The following MAPK10 variants were observed in gnomAD, a reference collection of about 807,000 sequenced individuals.
The protein encoded by MAPK10 is mitogen-activated protein kinase 10.
Under a neutral mutation model 59.3 loss-of-function variants are expected in MAPK10, and 25 were observed. The observed-to-expected ratio is 0.42, with a 90% CI of 0.31 to 0.59. MAPK10 has a LOEUF of 0.59. Among genes scored for constraint, MAPK10 ranks in the 20% least tolerant of loss-of-function variants. The probability of loss-of-function intolerance (pLI) is 0.15; values close to 1 mark genes in which losing one functional copy is unlikely to be tolerated. For missense variants in MAPK10, 351 were observed against 568.9 expected, an observed-to-expected ratio of 0.62 and a Z score of 3.90; for synonymous variants, 190 against 200.5, an observed-to-expected ratio of 0.95 and a Z score of 0.44.
intron 1 of MAPK10, among the ~76,000 whole-genome samples, chr4:86,576,328 A>C (rs1328257569): frequency 6.6e-6 from 1 of 152,154 alleles, no homozygotes; most frequent in East Asian, 1.9e-4. Flanking sequence ...AGAAAATTAG[A>C]GGTTTAGCAT....
At chr4:86,422,233 A>C (rs1286141940) in intron 1 of MAPK10, among the ~76,000 whole-genome samples, 1 of 152,220 alleles carries the variant, frequency 6.6e-6, no homozygotes. Flanking sequence ...TGTTGCCCCT[A>C]TCGACAAGTA....
intron 13 of MAPK10, chr4:86,023,851 A>ATATATATATATATATATATAT (rs1491271631): frequency 1.3e-4 from 17 of 128,326 alleles, no homozygotes; most frequent in South Asian, 2.3e-4. Context: ...ATATATATAT[A>ATATATATATATATATATATAT]AAATGAATGT....
At chr4:86,179,150 C>A (rs1212273041) in intron 3 of MAPK10, among the ~76,000 whole-genome samples, 2 of 151,820 alleles carry the variant, frequency 1.3e-5, no homozygotes, top group Non-Finnish European at 2.9e-5. Flanking sequence ...TGCAGTGAGC[C>A]AAGATCGTAC....
intron 1 of MAPK10, among the ~76,000 whole-genome samples, chr4:86,496,844 C>T (rs926383646): frequency 6.6e-6 from 1 of 152,132 alleles, no homozygotes; most frequent in African/African-American, 2.4e-5. Flanking sequence ...TGCTGGAGGG[C>T]TAAGCACACG....
At chr4:86,593,639 C>A (rs1486924962) in intron 1 of MAPK10, 2 of 152,026 alleles carry the variant, frequency 1.3e-5, no homozygotes, top group Non-Finnish European at 2.9e-5. Context: ...AAACTTTTTT[C>A]AAAAATATGA....
chr4:86,106,453 A>G (rs2056554840), intron 5 of MAPK10, among the ~76,000 whole-genome samples: 1 of 148,852 alleles, frequency 6.7e-6, no homozygotes, highest in Non-Finnish European at 1.5e-5. Flanking sequence ...ATTTATATCT[A>G]AAATGTATTT....
At chr4:86,031,019 T>C (rs1471910858) in intron 12 of MAPK10, among the ~76,000 whole-genome samples, 2 of 152,262 alleles carry the variant, frequency 1.3e-5, no homozygotes, top group Non-Finnish European at 2.9e-5. Context: ...CTTCATATGA[T>C]GATTTTATGT....
At chr4:86,128,146 C>T (rs1006419367) in intron 4 of MAPK10, among the ~76,000 whole-genome samples, 7 of 152,030 alleles carry the variant, frequency 4.6e-5, no homozygotes, top group African/African-American at 1.7e-4. Context: ...GTGCCAAAAT[C>T]AAGACTTAAT....
rs114236857 is a variant in MAPK10 at position 86,489,941 on chromosome 4, C to T, written c.-263+103969G>A. Among the ~76,000 whole-genome samples the T allele has an allele frequency of 3.5e-3, 539 of 152,246 alleles. 3 individuals carry two copies. The highest frequency in any genetic ancestry group is 6.5e-3 in the Non-Finnish European group (443 of 68,004). On this transcript the variant is annotated intron_variant, in intron 1 of 4. Coordinates refer to the MAPK10 transcript ENST00000502302. The stretch of plus-strand genomic sequence containing the variant: ...GTTCCACTCTCAGTAGTCAGTCCCC[C>T]CATCTCCAGCATCATGGTCTAACCA...
intron 13 of MAPK10, among the ~76,000 whole-genome samples, chr4:86,023,714 T>C (rs1348115557): frequency 6.7e-6 from 1 of 150,138 alleles, no homozygotes; most frequent in Non-Finnish European, 1.5e-5. Context: ...AATTGTTTTA[T>C]GTTCATTGCT....
rs150149271 is a variant in MAPK10, at chr4:86,057,382, T to C, written c.1110+6884A>G. 1.8e-4 allele frequency among the ~76,000 whole-genome samples: 27 copies of C among 150,434 alleles called. 2 individuals carry two copies. The highest frequency in any genetic ancestry group is 6.4e-4 in the African/African-American group (26 of 40,320). On this transcript the variant is annotated intron_variant, in intron 11 of 13. Coordinates refer to ENST00000641462, the MANE Select transcript of MAPK10 (RefSeq NM_138982.4). Reference sequence around the variant, plus strand: ...GCAGATTCTCACTGCAGTTTAGTTATAACTGATTAACATTTCAAGGGACAT... The same window carrying C: ...GCAGATTCTCACTGCAGTTTAGTTACAACTGATTAACATTTCAAGGGACAT...
intron 1 of MAPK10, among the ~76,000 whole-genome samples, chr4:86,569,753 T>C (rs1173979424): frequency 3.3e-4 from 50 of 151,996 alleles, no homozygotes; most frequent in Admixed American, 3.3e-3. Context: ...AAACAGTGGG[T>C]ACACGTGGAC....
At chr4:86,534,265 A>C (rs1222293133) in intron 1 of MAPK10, among the ~76,000 whole-genome samples, 1 of 152,176 alleles carries the variant, frequency 6.6e-6, no homozygotes, top group Admixed American at 6.5e-5. Flanking sequence ...AATACAGAAA[A>C]GACTTAGTTA....
intron 13 of MAPK10, chr4:86,026,897 G>C (rs1283326013): frequency 1.3e-5 from 2 of 152,080 alleles, no homozygotes; most frequent in East Asian, 3.8e-4. Context: ...TGGCTCTGCA[G>C]GGGGCAACAA....
chr4:86,224,408 C>T (rs188447848), intron 2 of MAPK10, among the ~76,000 whole-genome samples: 1 of 152,182 alleles, frequency 6.6e-6, no homozygotes, highest in East Asian at 1.9e-4. Context: ...TAACTGAAAG[C>T]TTAAGAATGA....
At position 86,565,819 on chromosome 4, in the gene MAPK10, C is replaced by T. The variant is rs909294065; in HGVS notation, c.-263+28091G>A. ...CTCCTATACTTGTCCTTCCTCATCA[C>T]GTTCCTTCCTAACACTGAAAATGTA... On this transcript the variant is annotated intron_variant, in intron 1 of 4. Coordinates refer to the MAPK10 transcript ENST00000502302. Among the ~76,000 whole-genome samples, 5 of 152,156 alleles carry T rather than the reference C, an allele frequency of 3.3e-5. No individual in the cohort carries two copies. The East Asian group carries it at 5.8e-4, about 18-fold the overall frequency.
At position 86,011,835 on chromosome 4, in the gene MAPK10, T is replaced by A. The variant is rs1201780447; in HGVS notation, c.*5393A>T. 1 of 152,200 alleles carries A rather than the reference T, an allele frequency of 6.6e-6. No homozygotes were observed. Among genetic ancestry groups the A allele is most frequent in the African/African-American group, 2.4e-5 (1 of 41,456 alleles). 9.4% of individuals were successfully genotyped at this position (152,200 alleles called of 1,614,324 possible). A position where few individuals can be genotyped will look rare whatever the true frequency, so the allele number is the denominator to read the frequency against. On this transcript the variant is annotated 3_prime_UTR_variant, in exon 14 of 14. Transcript: ENST00000641462. Reference sequence around the variant, plus strand: ...TCCAGGCTTTCTAATAGTTAATTGGTTAAATAAAACATTATTTACAGAAAT... The same window carrying A: ...TCCAGGCTTTCTAATAGTTAATTGGATAAATAAAACATTATTTACAGAAAT...
intron 2 of MAPK10, among the ~76,000 whole-genome samples, chr4:86,222,313 C>T (rs1228531632): frequency 6.6e-6 from 1 of 152,180 alleles, no homozygotes; most frequent in African/African-American, 2.4e-5. Flanking sequence ...TAAACTAAGG[C>T]ACTCATTTAT....
At chr4:86,298,272 T>C (rs893750682) in intron 2 of MAPK10, among the ~76,000 whole-genome samples, 3 of 152,202 alleles carry the variant, frequency 2.0e-5, no homozygotes, top group Admixed American at 2.0e-4. Flanking sequence ...TGAGGGGCTA[T>C]GACAATATTA....
Sources: gnomAD v4.1 joint callset for allele counts (sites outside exome capture counted in the v4.1 genomes callset) on GRCh38, gnomAD v4.1.1 for gene constraint, MANE v1.5 for transcripts, NCBI Gene and HGNC (gene_info 2026-07-23, HGNC 2026-07-21) for gene names.